Variants in UTRN observed in about 807,000 individuals in gnomAD.
UTRN encodes the protein utrophin.
In UTRN, 283 loss-of-function variants were observed where a neutral mutation model predicts 463.9. That is an observed-to-expected ratio of 0.61 (90% CI 0.55 to 0.67). UTRN has a LOEUF of 0.67. Among genes scored for constraint, UTRN ranks in the 30% least tolerant of loss-of-function variants. The pLI is 0.00. For synonymous variants in UTRN, 1,442 were observed against 1,431.5 expected (o/e 1.01, Z -0.17); for missense variants, 3,922 against 4,084.3 (o/e 0.96, Z 1.08).
At chr6:144,550,849 C>T in intron 47 of UTRN, 116 bp from the exon 48 acceptor site, 1 of 755,952 alleles carries the variant, frequency 1.3e-6, no homozygotes. Context: ...GCTGATGCTT[C>T]ACTATGCCAT....
chr6:144,788,565 A>ATTT (rs796235314), intron 61 of UTRN, among the ~76,000 whole-genome samples: 14 of 136,824 alleles, frequency 1.0e-4, no homozygotes, highest in African/African-American at 3.8e-4. Context: ...AATTCATAGT[A>ATTT]TTTTTTTTTT....
chr6:144,666,353 C>T (rs1780394942), intron 51 of UTRN, among the ~76,000 whole-genome samples: 1 of 152,208 alleles, frequency 6.6e-6, no homozygotes, highest in African/African-American at 2.4e-5. Flanking sequence ...TTAAACTTTT[C>T]AAGTGAAGAA....
chr6:144,400,876 A>G (rs144708837), intron 2 of UTRN, among the ~76,000 whole-genome samples: 60 of 152,316 alleles, frequency 3.9e-4, no homozygotes, highest in Non-Finnish European at 7.1e-4. Context: ...ACTCATTTTT[A>G]CAAACATAAG....
At chr6:144,517,177 A>G (rs1417350175) in intron 39 of UTRN, among the ~76,000 whole-genome samples, 2 of 151,866 alleles carry the variant, frequency 1.3e-5, no homozygotes. Flanking sequence ...TGATTATGTT[A>G]TCAAACCTAA....
intron 50 of UTRN, among the ~76,000 whole-genome samples, chr6:144,569,644 C>T (rs1229683444): frequency 3.3e-5 from 5 of 152,056 alleles, no homozygotes; most frequent in Non-Finnish European, 5.9e-5. Context: ...AGGTCCTGGT[C>T]CTATTGGGTG....
At chr6:144,828,379 GA>G (rs1780373105) in intron 68 of UTRN, among the ~76,000 whole-genome samples, 1 of 152,152 alleles carries the variant, frequency 6.6e-6, no homozygotes, top group Non-Finnish European at 1.5e-5. Flanking sequence ...GTCTGATAAT[GA>G]AAAACCCAGC....
intron 2 of UTRN, among the ~76,000 whole-genome samples, chr6:144,301,221 T>C (rs902299895): frequency 3.3e-5 from 5 of 152,244 alleles, no homozygotes. Context: ...TGTTAACATA[T>C]CAGACCCTTA....
intron 66 of UTRN, among the ~76,000 whole-genome samples, chr6:144,824,264 A>G (rs1163863075): frequency 6.6e-6 from 1 of 151,952 alleles, no homozygotes; most frequent in Non-Finnish European, 1.5e-5. Context: ...GAGTAAAAGC[A>G]GCAGGGATCC....
At chr6:144,621,142 A>G (rs1349381197) in intron 51 of UTRN, among the ~76,000 whole-genome samples, 3 of 152,200 alleles carry the variant, frequency 2.0e-5, no homozygotes, top group African/African-American at 7.2e-5. Context: ...GGTTGTTGTC[A>G]AGATTAAATG....
At chr6:144,659,036 A>T (rs1779598791) in intron 51 of UTRN, among the ~76,000 whole-genome samples, 1 of 152,230 alleles carries the variant, frequency 6.6e-6, no homozygotes, top group Non-Finnish European at 1.5e-5. Flanking sequence ...AGATCGAAAC[A>T]CTTTAAAACT....
At chr6:144,698,471 T>C (rs542041921) in intron 52 of UTRN, among the ~76,000 whole-genome samples, 1 of 152,398 alleles carries the variant, frequency 6.6e-6, no homozygotes, top group Admixed American at 6.5e-5. Context: ...CATATGCTGA[T>C]GAAAGGCAGA....
intron 19 of UTRN, among the ~76,000 whole-genome samples, chr6:144,457,062 T>C (rs531739254): frequency 1.3e-5 from 2 of 152,318 alleles, no homozygotes; most frequent in Non-Finnish European, 2.9e-5. Context: ...ACTCTGTGTT[T>C]TATAGAAATA....
chr6:144,473,886 C>G, intron 24 of UTRN, 53 bp downstream of exon 24: 4 of 1,313,318 alleles, frequency 3.0e-6, no homozygotes, highest in Non-Finnish European at 3.2e-6. Flanking sequence ...TGTTCTTTTT[C>G]TATGTTATTT....
chr6:144,552,083 C>T (rs779112720), intron 48 of UTRN, among the ~76,000 whole-genome samples: 1 of 152,248 alleles, frequency 6.6e-6, no homozygotes, highest in East Asian at 1.9e-4. Flanking sequence ...TGCCCTTGGG[C>T]CTTTAACAGT....
At chr6:144,805,329 TA>T (rs1778052617) in intron 65 of UTRN, among the ~76,000 whole-genome samples, 2 of 152,304 alleles carry the variant, frequency 1.3e-5, no homozygotes, top group South Asian at 4.1e-4. Context: ...TACATTGCAG[TA>T]AGTGCCTTTA....
intron 73 of UTRN, among the ~76,000 whole-genome samples, chr6:144,846,466 C>T (rs1253263889): frequency 2.6e-5 from 4 of 152,172 alleles, no homozygotes; most frequent in African/African-American, 9.7e-5. Context: ...GTAAGTAGAA[C>T]ATGCTCTGTT....
chr6:144,414,218 C>T (rs912856225), intron 3 of UTRN, among the ~76,000 whole-genome samples: 6 of 151,960 alleles, frequency 3.9e-5, no homozygotes. Context: ...TAGGAGATGA[C>T]AGCTCCATGT....
chr6:144,605,703 G>A (rs1179860577), intron 51 of UTRN, among the ~76,000 whole-genome samples: 1 of 134,224 alleles, frequency 7.5e-6, no homozygotes, highest in African/African-American at 2.8e-5. Flanking sequence ...GGTATTTCAT[G>A]TTTTGTATCT....
chr6:144,574,825 G>A (rs979397726), intron 50 of UTRN, among the ~76,000 whole-genome samples: 18 of 152,074 alleles, frequency 1.2e-4, no homozygotes, highest in African/African-American at 3.9e-4. Context: ...CAAGTAATCT[G>A]CCTGCCTTGG....
Sources: gnomAD v4.1 joint callset for allele counts (sites outside exome capture counted in the v4.1 genomes callset) on GRCh38, gnomAD v4.1.1 for gene constraint, MANE v1.5 for transcripts, NCBI Gene and HGNC (gene_info 2026-07-23, HGNC 2026-07-21) for gene names.